Variants in MLIP observed in about 807,000 individuals in gnomAD.
MLIP encodes the protein muscular LMNA-interacting protein.
MLIP carries 79 observed loss-of-function variants against 84.8 expected under a neutral mutation model. The ratio of observed to expected loss-of-function variants is 0.93; its 90% CI spans 0.78 to 1.12. MLIP has a LOEUF of 1.12. Among genes scored for constraint, MLIP ranks in the 50% most tolerant of loss-of-function variants. The pLI is 0.00. For missense variants in MLIP, 1,257 were observed against 1,160.6 expected (o/e 1.08, Z -1.21); for synonymous variants, 504 against 463.0 (o/e 1.09, Z -1.14).
At chr6:54,170,969 C>A (rs1319136185) in intron 9 of MLIP, among the ~76,000 whole-genome samples, 1 of 151,366 alleles carries the variant, frequency 6.6e-6, no homozygotes, top group Non-Finnish European at 1.5e-5. Context: ...TTTACAAGAG[C>A]CAGACCCCCC....
intron 11 of MLIP, chr6:54,215,132 A>G (rs894339347): frequency 2.0e-6 from 3 of 1,533,544 alleles, no homozygotes; most frequent in Non-Finnish European, 2.6e-6. Flanking sequence ...TGTCCACTTT[A>G]CACTCAGGCT....
intron 1 of MLIP, chr6:54,047,557 G>A (rs1032055694): frequency 1.3e-5 from 2 of 152,226 alleles, no homozygotes; most frequent in African/African-American, 4.8e-5. Flanking sequence ...AGAGTAAGCA[G>A]GCAGGGAAGT....
intron 13 of MLIP, among the ~76,000 whole-genome samples, chr6:54,260,464 T>C (rs1783308126): frequency 6.6e-6 from 1 of 152,020 alleles, no homozygotes; most frequent in South Asian, 2.1e-4. Flanking sequence ...TATTTGTATG[T>C]TTTAAAATCT....
intron 4 of MLIP, among the ~76,000 whole-genome samples, chr6:54,143,362 C>A (rs1209367240): frequency 6.6e-6 from 1 of 152,026 alleles, no homozygotes; most frequent in Non-Finnish European, 1.5e-5. Context: ...CCTGCCACCA[C>A]ACCCAGCTAA....
At chr6:54,179,216 T>G (rs1776603750) in intron 9 of MLIP, among the ~76,000 whole-genome samples, 1 of 152,342 alleles carries the variant, frequency 6.6e-6, no homozygotes, top group African/African-American at 2.4e-5. Flanking sequence ...GTATAGCTAC[T>G]TGTGCTCTAT....
chr6:54,192,969 G>A (rs1227255042), intron 10 of MLIP, among the ~76,000 whole-genome samples: 3 of 152,072 alleles, frequency 2.0e-5, no homozygotes, highest in South Asian at 2.1e-4. Flanking sequence ...ACTTTTTAAC[G>A]ATACATCATT....
intron 1 of MLIP, among the ~76,000 whole-genome samples, chr6:54,081,510 C>G (rs746957986): frequency 6.6e-6 from 1 of 152,152 alleles, no homozygotes; most frequent in Non-Finnish European, 1.5e-5. Flanking sequence ...CAGGTTCAAG[C>G]GATTCTCCTG....
At chr6:54,164,351 G>C (rs1271981453) in intron 8 of MLIP, among the ~76,000 whole-genome samples, 1 of 151,756 alleles carries the variant, frequency 6.6e-6, no homozygotes, top group African/African-American at 2.4e-5. Context: ...ATTCCTTCAA[G>C]AGGAATCCTT....
chr6:54,159,199 C>T (rs1321622613), intron 5 of MLIP, among the ~76,000 whole-genome samples: 1 of 151,964 alleles, frequency 6.6e-6, no homozygotes, highest in Non-Finnish European at 1.5e-5. Flanking sequence ...AGGTGTAAGC[C>T]ACTGTGAATG....
At position 54,202,149 on chromosome 6, in the gene MLIP, A is replaced by G. The variant is rs779360975; in HGVS notation, c.2634A>G (p.Ile878Met). The G allele has an allele frequency of 4.4e-6, 7 of 1,603,936 alleles. No homozygotes were observed. The South Asian group carries it at 6.7e-5, about 15-fold the overall frequency. The change falls in exon 11 of 14, where the codon ATA becomes ATG. Residue 878 changes from isoleucine (I) to methionine (M), a missense_variant. Physicochemically the swap from Ile to Met is conservative, Grantham distance 10. Transcript: ENST00000502396. ...GCCCAGTACCTGTAAAATCCAGAAT[A>G]TTACTGAAAAAAGAGGAGGAAGTCT... ...VIRPVPVKSR[I>M]LLKKEEEVYE...
At chr6:54,217,580 T>C in intron 11 of MLIP, 1 of 984,550 alleles carries the variant, frequency 1.0e-6, no homozygotes, top group Non-Finnish European at 1.2e-6. Context: ...TCCTGTCTTC[T>C]TGAAGTTTTG....
At chr6:54,157,027 A>T (rs1774100437) in intron 5 of MLIP, among the ~76,000 whole-genome samples, 1 of 152,058 alleles carries the variant, frequency 6.6e-6, no homozygotes, top group South Asian at 2.1e-4. Context: ...CTGAGAGTGG[A>T]TCTAGGGAGA....
intron 11 of MLIP, chr6:54,216,320 A>C (rs927406186): frequency 2.0e-6 from 2 of 985,192 alleles, no homozygotes. Context: ...TGACTTCTTC[A>C]ATTTTAACTG....
intron 12 of MLIP, among the ~76,000 whole-genome samples, chr6:54,242,143 G>T (rs1345243678): frequency 6.6e-6 from 1 of 152,190 alleles, no homozygotes; most frequent in Admixed American, 6.5e-5. Flanking sequence ...GAATGACATA[G>T]GAGGACAGAG....
chr6:54,143,814 C>T (rs1561978611), intron 4 of MLIP, among the ~76,000 whole-genome samples: 2 of 152,084 alleles, frequency 1.3e-5, no homozygotes, highest in Non-Finnish European at 1.5e-5. Context: ...ATTTGCTGAA[C>T]ATCTTTTCTC....
At chr6:54,210,670 A>G (rs1779382529) in intron 11 of MLIP, among the ~76,000 whole-genome samples, 1 of 148,780 alleles carries the variant, frequency 6.7e-6, no homozygotes. Context: ...CCCAGACTTC[A>G]AACTCTAGCC....
At chr6:54,109,445 A>G (rs1016838995), upstream of MLIP, among the ~76,000 whole-genome samples, 1 of 152,108 alleles carries the variant, frequency 6.6e-6, no homozygotes, top group African/African-American at 2.4e-5. Context: ...GAGCCTTTAA[A>G]AAGTTCAGTA....
chr6:54,201,932 A>G (rs1323893382), intron 10 of MLIP, among the ~76,000 whole-genome samples, 173 bp from the exon 11 acceptor site: 2 of 152,236 alleles, frequency 1.3e-5, no homozygotes, highest in Non-Finnish European at 2.9e-5. Context: ...AACTTATATT[A>G]GTTAAAATCA....
chr6:54,173,421 A>G (rs1775965763), intron 9 of MLIP, among the ~76,000 whole-genome samples: 1 of 151,874 alleles, frequency 6.6e-6, no homozygotes, highest in Non-Finnish European at 1.5e-5. Context: ...ATTTGGTCAT[A>G]TTAACATCTA....
Sources: allele counts gnomAD v4.1 joint callset (sites outside exome capture counted in the v4.1 genomes callset), GRCh38; gene constraint gnomAD v4.1.1; transcripts MANE v1.5; gene names NCBI Gene and HGNC (gene_info 2026-07-23, HGNC 2026-07-21).